The following TNRC18 variants were observed in gnomAD, a reference collection of about 807,000 sequenced individuals.
The protein encoded by TNRC18 is trinucleotide repeat containing 18, also known as trinucleotide repeat-containing gene 18 protein.
TNRC18 carries 69 observed loss-of-function variants against 226.7 expected under a neutral mutation model. The observed-to-expected ratio is 0.30, with a 90% CI of 0.25 to 0.37. The LOEUF is 0.37. Among genes scored for constraint, TNRC18 ranks in the 10% least tolerant of loss-of-function variants. The probability of loss-of-function intolerance (pLI) is 1.00; values close to 1 mark genes in which losing one functional copy is unlikely to be tolerated. For missense variants in TNRC18, 4,754 were observed against 4,256.6 expected (o/e 1.12, Z -3.25); for synonymous variants, 2,449 against 1,927.6 (o/e 1.27, Z -7.09).
chr7:5,345,526 A>ACCCCCCCCCCCACCCCCCCCCCCCACCCC, intron 18 of TNRC18, 36 bp downstream of exon 18: 1 of 177,498 alleles, frequency 5.6e-6, no homozygotes, highest in Non-Finnish European at 1.1e-5. Context: ...CGCCCCTCCC[A>ACCCCCCCCCCCACCCCCCCCCCCCACCCC]CCCACCCCCA....
In TNRC18 at chr7:5,390,644, G is replaced by A. The variant is rs371150258; in HGVS notation, c.344-16C>T. ...TGGGAGAAGCCTGTAACAGAAAAGA[G>A]AAAAGCTGGGCTGGGCCAATTCGTG... On this transcript the variant is annotated splice_polypyrimidine_tract_variant and intron_variant, in intron 3 of 29. Coordinates refer to ENST00000430969, the MANE Select transcript of TNRC18 (RefSeq NM_001080495.3). 6 of 1,523,668 alleles carry A rather than the reference G, an allele frequency of 3.9e-6. No homozygotes were observed. The highest frequency in any genetic ancestry group is 1.4e-5 in the African/African-American group (1 of 71,660). The allele number at this position is 1,523,668 out of a possible 1,614,324, so 94.4% of individuals were successfully genotyped here.
rs547387106 is a variant in TNRC18, at chr7:5,329,246, C to T, written c.6147+3376G>A. The stretch of plus-strand genomic sequence containing the variant: ...TTAATCTGGGAGGCAGAGGTTTCAG[C>T]GAGCCAAGATCTCACCACTGTACTC... On this transcript the variant is annotated intron_variant, in intron 19 of 29. Transcript: ENST00000430969. Among the ~76,000 whole-genome samples the T allele has an allele frequency of 4.0e-4, 60 of 149,810 alleles. 2 individuals are homozygous for T. The South Asian group carries it at 0.011, about 28-fold the overall frequency.
intron 19 of TNRC18, among the ~76,000 whole-genome samples, chr7:5,326,436 T>C (rs1195827283): frequency 6.6e-6 from 1 of 152,148 alleles, no homozygotes; most frequent in East Asian, 1.9e-4. Flanking sequence ...CCTCCGTTTT[T>C]TCACTCTCTG....
chr7:5,313,892 G>T (rs1787569185), intron 26 of TNRC18, 29 bp from the exon 27 acceptor site: 2 of 1,429,208 alleles, frequency 1.4e-6, no homozygotes, highest in Non-Finnish European at 1.8e-6. Context: ...GAGAAGCTGG[G>T]GCGGGGGCTT....
At chr7:5,402,797 T>C (rs948268101) in intron 2 of TNRC18, among the ~76,000 whole-genome samples, 2 of 151,474 alleles carry the variant, frequency 1.3e-5, no homozygotes, top group Non-Finnish European at 2.9e-5. Flanking sequence ...GAAGTTGCAG[T>C]GAGGCGACAC....
intron 15 of TNRC18, among the ~76,000 whole-genome samples, chr7:5,358,941 G>T (rs532589164): frequency 1.3e-5 from 2 of 152,320 alleles, no homozygotes; most frequent in East Asian, 3.8e-4. Context: ...GAAATAAGAA[G>T]AATCAAGGAG....
intron 21 of TNRC18, among the ~76,000 whole-genome samples, chr7:5,322,460 G>A (rs1319021021): frequency 6.6e-6 from 1 of 152,148 alleles, no homozygotes; most frequent in African/African-American, 2.4e-5. Flanking sequence ...CACCATGCCT[G>A]GCTAATTATT....
intron 29 of TNRC18, 94 bp from the exon 30 acceptor site, chr7:5,308,406 G>T (rs1287011900): frequency 4.3e-6 from 5 of 1,173,504 alleles, no homozygotes; most frequent in Non-Finnish European, 6.0e-6. Flanking sequence ...GAAGCAGAGG[G>T]AGCCCCAGGG....
chr7:5,406,158 G>C (rs1314920076), intron 2 of TNRC18, among the ~76,000 whole-genome samples: 2 of 152,150 alleles, frequency 1.3e-5, no homozygotes, highest in African/African-American at 4.8e-5. Context: ...AGTGAAATAA[G>C]CCAGACATAA....
At chr7:5,354,998 C>G (rs548806015) in intron 16 of TNRC18, among the ~76,000 whole-genome samples, 198 of 152,360 alleles carry the variant, frequency 1.3e-3, no homozygotes, top group African/African-American at 4.2e-3. Context: ...TCAAAAGCCC[C>G]AGACACACAG....
intron 17 of TNRC18, among the ~76,000 whole-genome samples, chr7:5,349,079 TG>T (rs2128143140): frequency 6.6e-6 from 1 of 152,278 alleles, no homozygotes; most frequent in South Asian, 2.1e-4. Context: ...CTCAAGCAGC[TG>T]GGGCTGCGGG....
At chr7:5,350,431 G>C (rs189025804) in intron 17 of TNRC18, among the ~76,000 whole-genome samples, 166 of 140,620 alleles carry the variant, frequency 1.2e-3, no homozygotes, top group African/African-American at 4.0e-3. Context: ...GGAAAAACAG[G>C]GCGGGCGGGG....
chr7:5,320,513 C>T lies in TNRC18; in HGVS notation c.6636+19G>A. 1 of 1,601,528 alleles carries T rather than the reference C, an allele frequency of 6.2e-7. No individual in the cohort carries two copies. The highest frequency in any genetic ancestry group is 1.1e-5 in the South Asian group (1 of 88,980). The stretch of plus-strand genomic sequence containing the variant: ...CAGCCCACCCCGAGCCTCCCGAGGC[C>T]CCGCCCCTCCCCCCTCACCGCCTCC... On this transcript the variant is annotated intron_variant, in intron 23 of 29. Transcript: ENST00000430969.
At chr7:5,398,263 C>A (rs1396938928) in intron 2 of TNRC18, among the ~76,000 whole-genome samples, 1 of 152,092 alleles carries the variant, frequency 6.6e-6, no homozygotes, top group Non-Finnish European at 1.5e-5. Flanking sequence ...TTCCGCCACC[C>A]GGGTTCAAGT....
intron 2 of TNRC18, among the ~76,000 whole-genome samples, chr7:5,416,322 G>A (rs1319494624): frequency 6.6e-6 from 1 of 152,002 alleles, no homozygotes. Context: ...GGCTGAGGCA[G>A]GAGAATGGTG....
Position 5,307,370 on chromosome 7 carries a change from T to TAAG in TNRC18, c.*733_*735dup, listed in dbSNP as rs58739630. 2.2e-4 allele frequency: 60 copies of TAAG among 276,614 alleles called. No individual in the cohort carries two copies. The highest frequency in any genetic ancestry group is 3.7e-4 in the Non-Finnish European group (50 of 136,512). 17.1% of individuals were successfully genotyped at this position (276,614 alleles called of 1,614,324 possible). A position where few individuals can be genotyped will look rare whatever the true frequency, so the allele number is the denominator to read the frequency against. ...CTTGGTACAATAAAACTGTACAGGT[T>TAAG]AAGAAGTGCCACCTCCCTCCTGGGT... On this transcript the variant is annotated 3_prime_UTR_variant, in exon 30 of 30. Coordinates refer to ENST00000430969, the MANE Select transcript of TNRC18 (RefSeq NM_001080495.3).
chr7:5,324,460 G>A lies in TNRC18; in HGVS notation c.6301-105C>T, dbSNP rs1260280994. ...TGGAGCCACAGTCAGGCCGCAGGGG[G>A]AATCTGTCATGTGCATGGCAGGGAT... On this transcript the variant is annotated intron_variant, in intron 20 of 29. Transcript: ENST00000430969. This position sits in a 1 kb window ranked among gnomAD's most constrained non-coding sequence, Gnocchi z 4.8. 2.7e-6 allele frequency: 4 copies of A among 1,464,402 alleles called. No individual in the cohort carries two copies. Among genetic ancestry groups the A allele is most frequent in the Non-Finnish European group, 2.8e-6 (3 of 1,078,202 alleles). 90.7% of individuals were successfully genotyped at this position (1,464,402 alleles called of 1,614,324 possible). A position where few individuals can be genotyped will look rare whatever the true frequency, so the allele number is the denominator to read the frequency against.
intron 18 of TNRC18, 45 bp downstream of exon 18, chr7:5,345,517 G>GGGGGGGGGACCCCCCCCCCCCCCC: frequency 2.6e-6 from 1 of 377,744 alleles, no homozygotes; most frequent in Non-Finnish European, 4.8e-6. Context: ...AATGGCGTCC[G>GGGGGGGGGACCCCCCCCCCCCCCC]CCCCTCCCAC....
chr7:5,360,088 C>T (rs1792879677), intron 14 of TNRC18, among the ~76,000 whole-genome samples: 1 of 152,140 alleles, frequency 6.6e-6, no homozygotes, highest in Non-Finnish European at 1.5e-5. Context: ...TTGCTTTAAG[C>T]TGAAACTTCA....
Sources: gnomAD v4.1 joint callset for allele counts (sites outside exome capture counted in the v4.1 genomes callset) on GRCh38, gnomAD v4.1.1 for gene constraint, Gnocchi (gnomAD v3.1) non-coding constraint, MANE v1.5 for transcripts, NCBI Gene and HGNC (gene_info 2026-07-23, HGNC 2026-07-21) for gene names.